The following HTR1F variants were observed in gnomAD, a reference collection of about 807,000 sequenced individuals.
HTR1F encodes the protein 5-hydroxytryptamine (serotonin) receptor 1F, G protein-coupled.
In HTR1F, 17 loss-of-function variants were observed where a neutral mutation model predicts 24.0. That is an observed-to-expected ratio of 0.71 (90% CI 0.48 to 1.06). The LOEUF is 1.06. Among genes scored for constraint, HTR1F ranks in the 50% least tolerant of loss-of-function variants. The pLI, the probability that HTR1F is intolerant of heterozygous loss-of-function variation, is 0.00. For missense variants in HTR1F, 391 were observed against 427.8 expected (o/e 0.91, Z 0.76); for synonymous variants, 186 against 156.8 (o/e 1.19, Z -1.39).
intron 2 of HTR1F, among the ~76,000 whole-genome samples, chr3:87,976,751 T>C (rs1705404086): frequency 6.6e-6 from 1 of 152,222 alleles, no homozygotes; most frequent in African/African-American, 2.4e-5. Flanking sequence ...AACAAAAGTT[T>C]TAAAATATTT....
intron 2 of HTR1F, among the ~76,000 whole-genome samples, chr3:87,865,965 T>C (rs1004012916): frequency 6.6e-6 from 1 of 152,134 alleles, no homozygotes; most frequent in Non-Finnish European, 1.5e-5. Context: ...CAGCAATGAA[T>C]GAGGGTTTCA....
At chr3:87,959,435 G>A (rs554954958) in intron 2 of HTR1F, among the ~76,000 whole-genome samples, 23 of 151,700 alleles carry the variant, frequency 1.5e-4, no homozygotes, top group Non-Finnish European at 2.8e-4. Context: ...TGGTCACTTT[G>A]TTACTTTAAT....
chr3:87,960,856 C>CTT, intron 2 of HTR1F, among the ~76,000 whole-genome samples: 1 of 151,982 alleles, frequency 6.6e-6, no homozygotes. Context: ...TGGTAGACTG[C>CTT]TTACTAATGA....
chr3:87,982,970 C>CT (rs35038436), intron 2 of HTR1F, among the ~76,000 whole-genome samples: 89,978 of 151,950 alleles, frequency 0.59, 26,907 homozygotes, highest in South Asian at 0.73. Context: ...ACTTCAAAGA[C>CT]TGGTGCCATG....
intron 2 of HTR1F, among the ~76,000 whole-genome samples, chr3:87,840,963 C>T (rs1220668660): frequency 6.6e-6 from 1 of 151,786 alleles, no homozygotes; most frequent in Non-Finnish European, 1.5e-5. Context: ...AGATGTTGGT[C>T]AGTGGGTACA....
At chr3:87,908,215 G>A (rs898075995) in intron 2 of HTR1F, among the ~76,000 whole-genome samples, 2 of 151,914 alleles carry the variant, frequency 1.3e-5, no homozygotes, top group Non-Finnish European at 2.9e-5. Context: ...AAGAGATTCT[G>A]ATACAGTGAT....
At chr3:87,893,422 A>G (rs1706126856) in intron 2 of HTR1F, among the ~76,000 whole-genome samples, 1 of 152,220 alleles carries the variant, frequency 6.6e-6, no homozygotes, top group Non-Finnish European at 1.5e-5. Flanking sequence ...TTTTTAAAAA[A>G]GTCAAAGAAT....
At chr3:87,854,049 GTCA>G (rs1250172731) in intron 2 of HTR1F, among the ~76,000 whole-genome samples, 4 of 151,856 alleles carry the variant, frequency 2.6e-5, no homozygotes, top group African/African-American at 7.2e-5. Context: ...CCTTTTTAAT[GTCA>G]TCATTTTAAT....
Position 87,991,819 on chromosome 3 carries a change from C to T in HTR1F, c.1070C>T (p.Ala357Val), listed in dbSNP as rs1465047910. Residue 357 changes from alanine (A) to valine (V), a missense_variant, in exon 3 of 3, where the codon GCA (alanine) becomes GTA (valine). Ala to Val is a moderately conservative substitution (Grantham distance 64). Coordinates refer to ENST00000319595, the MANE Select transcript of HTR1F (RefSeq NM_001322209.2). ...YTIFNEDFKK[A>V]FQKLVRCRC The stretch of plus-strand genomic sequence containing the variant: ...ATCTTTAATGAAGACTTCAAGAAAG[C>T]ATTCCAAAAGCTTGTGCGATGTCGA... 6.3e-7 allele frequency: 1 copy of T among 1,586,674 alleles called. No homozygotes were observed. The highest frequency in any genetic ancestry group is 1.2e-5 in the South Asian group (1 of 85,870).
At chr3:87,934,115 A>C (rs1218367942) in intron 2 of HTR1F, among the ~76,000 whole-genome samples, 1 of 152,224 alleles carries the variant, frequency 6.6e-6, no homozygotes, top group Non-Finnish European at 1.5e-5. Flanking sequence ...CAAGCTATTC[A>C]TCAGTGAGCT....
chr3:87,873,326 G>A (rs918557971), intron 2 of HTR1F, among the ~76,000 whole-genome samples: 1 of 152,196 alleles, frequency 6.6e-6, no homozygotes, highest in African/African-American at 2.4e-5. Context: ...AATAACCATG[G>A]GAGTGGAAGG....
chr3:87,879,271 TA>T (rs1451610935), intron 2 of HTR1F, among the ~76,000 whole-genome samples: 1 of 152,188 alleles, frequency 6.6e-6, no homozygotes, highest in East Asian at 1.9e-4. Context: ...AATTCCCAAT[TA>T]AAATATTCAC....
intron 2 of HTR1F, among the ~76,000 whole-genome samples, chr3:87,890,322 A>G (rs1287289072): frequency 6.6e-6 from 1 of 152,210 alleles, no homozygotes; most frequent in Non-Finnish European, 1.5e-5. Flanking sequence ...GAATATAATC[A>G]CTTGCAACTT....
Position 87,991,977 on chromosome 3 carries a change from A to G in HTR1F, c.*127A>G, listed in dbSNP as rs1705847655. 1.4e-6 allele frequency: 1 copy of G among 702,500 alleles called. No homozygotes were observed. The allele number at this position is 702,500 out of a possible 1,614,324, so 43.5% of individuals were successfully genotyped here. On this transcript the variant is annotated 3_prime_UTR_variant, in exon 3 of 3. Transcript: ENST00000319595. ...TGAAAACTGCTAAATTGATAAGGCTATAATTTATATTTTAATAGCAATGTG... is the reference window on the plus strand; with the variant it reads ...TGAAAACTGCTAAATTGATAAGGCTGTAATTTATATTTTAATAGCAATGTG...
intron 2 of HTR1F, among the ~76,000 whole-genome samples, chr3:87,945,428 T>A (rs1332873888): frequency 6.6e-6 from 1 of 152,152 alleles, no homozygotes; most frequent in Non-Finnish European, 1.5e-5. Context: ...ATTTTGGGGC[T>A]ACACTTTCAA....
At chr3:87,819,821 T>C (rs1002878057) in intron 1 of HTR1F, among the ~76,000 whole-genome samples, 1 of 152,016 alleles carries the variant, frequency 6.6e-6, no homozygotes, top group African/African-American at 2.4e-5. Context: ...AAACTCAATA[T>C]TAATTAGTTT....
intron 2 of HTR1F, among the ~76,000 whole-genome samples, chr3:87,880,817 T>C (rs1705776593): frequency 6.6e-6 from 1 of 152,218 alleles, no homozygotes. Context: ...AGTTTTTCTC[T>C]AGTTTTGGGA....
At chr3:87,840,026 T>C (rs1704766806) in intron 2 of HTR1F, among the ~76,000 whole-genome samples, 1 of 152,162 alleles carries the variant, frequency 6.6e-6, no homozygotes, top group South Asian at 2.1e-4. Context: ...AGATGGAAAC[T>C]TAGGTTGATT....
chr3:87,832,493 A>C lies in HTR1F; in HGVS notation c.-43+10369A>C, dbSNP rs543014560. ...CAGGCGCACGCCGCCACACCCGGCT[A>C]ATTTTTTGTATTTTAGTAGAGACGG... is the stretch of plus-strand genomic sequence containing the variant. On this transcript the variant is annotated intron_variant, in intron 2 of 2. Coordinates refer to ENST00000319595, the MANE Select transcript of HTR1F (RefSeq NM_001322209.2). 2.0e-5 allele frequency among the ~76,000 whole-genome samples: 3 copies of C among 152,110 alleles called. No homozygotes were observed. The East Asian group carries it at 5.8e-4, about 29-fold the overall frequency.
Sources: allele counts gnomAD v4.1 joint callset (sites outside exome capture counted in the v4.1 genomes callset), GRCh38; gene constraint gnomAD v4.1.1; transcripts MANE v1.5; gene names NCBI Gene and HGNC (gene_info 2026-07-23, HGNC 2026-07-21).